Variants in JARID2 observed in about 807,000 individuals in gnomAD.
JARID2 encodes the protein protein Jumonji.
A neutral mutation model predicts 125.6 loss-of-function variants in JARID2; 21 were observed. The observed-to-expected ratio is 0.17, with a 90% CI of 0.12 to 0.24. JARID2 has a LOEUF of 0.24. JARID2 is among the 10% of genes least tolerant of loss of function. The pLI, the probability that JARID2 is intolerant of heterozygous loss-of-function variation, is 1.00. For synonymous variants in JARID2, 736 were observed against 661.6 expected, an observed-to-expected ratio of 1.11 and a Z score of -1.73; for missense variants, 1,303 against 1,639.6, an observed-to-expected ratio of 0.79 and a Z score of 3.55.
chr6:15,487,466 G>A lies in JARID2; in HGVS notation c.830G>A (p.Gly277Asp). The A allele has an allele frequency of 2.5e-6, 4 of 1,614,224 alleles. No homozygotes were observed. The highest frequency in any genetic ancestry group is 3.4e-6 in the Non-Finnish European group (4 of 1,180,044). ...CACCCCGCAGCGGCCCCCTCCACGG[G>A]TTCCTCGGCCAAGGGGCTTGCTGCC... is the stretch of plus-strand genomic sequence containing the variant. ...ANHPAAAPST[G>D]SSAKGLAATH... The change falls in exon 6 of 18, where the codon GGT becomes GAT. Residue 277 changes from glycine (G) to aspartate (D), a missense_variant. By Grantham distance (94) the Gly-to-Asp change is moderately conservative. Around this residue, in one of 11 missense-constraint regions of JARID2, gnomAD observed 651 missense variants for 581.6 expected, o/e 1.12. Coordinates refer to ENST00000341776, the MANE Select transcript of JARID2 (RefSeq NM_004973.4).
intron 1 of JARID2, among the ~76,000 whole-genome samples, chr6:15,281,965 TTTGAGACA>T (rs1760770031): frequency 7.1e-6 from 1 of 140,372 alleles, no homozygotes; most frequent in East Asian, 2.1e-4. Context: ...TGTGTGTGTG[TTTGAGACA>T]GAGTCTTGCT....
chr6:15,337,753 C>CT (rs1345709497), intron 1 of JARID2, among the ~76,000 whole-genome samples: 105 of 151,878 alleles, frequency 6.9e-4, no homozygotes, highest in Non-Finnish European at 4.4e-5. Flanking sequence ...CCTCCCAACT[C>CT]TGTTTCTGAT....
intron 5 of JARID2, among the ~76,000 whole-genome samples, chr6:15,486,013 G>A (rs1769849024): frequency 1.3e-5 from 2 of 152,228 alleles, no homozygotes; most frequent in South Asian, 4.1e-4. Context: ...TGCCAGTCCT[G>A]GTTGGGGTGG....
intron 1 of JARID2, among the ~76,000 whole-genome samples, chr6:15,279,414 A>C (rs970905756): frequency 5.3e-5 from 8 of 152,156 alleles, no homozygotes; most frequent in African/African-American, 1.9e-4. Context: ...CTGACTTTTC[A>C]TATGTGTATG....
Position 15,521,441 on chromosome 6 carries a change from C to G in JARID2, c.*1190C>G, listed in dbSNP as rs1483612202. 6.6e-6 allele frequency: 1 copy of G among 151,690 alleles called. No individual in the cohort carries two copies. Among genetic ancestry groups the G allele is most frequent in the East Asian group, 1.9e-4 (1 of 5,174 alleles). 9.4% of individuals were successfully genotyped at this position (151,690 alleles called of 1,614,324 possible). ...GGGGGTGGGGAGGGGGGTGAGAAGACAAGATGAAGAAAAGCCTTACATTTC... is the reference window on the plus strand; with the variant it reads ...GGGGGTGGGGAGGGGGGTGAGAAGAGAAGATGAAGAAAAGCCTTACATTTC... On this transcript the variant is annotated 3_prime_UTR_variant, in exon 18 of 18. Transcript: ENST00000341776.
chr6:15,252,323 ATTGT>A (rs897756552), intron 1 of JARID2, among the ~76,000 whole-genome samples: 3 of 151,828 alleles, frequency 2.0e-5, no homozygotes, highest in Non-Finnish European at 4.4e-5. Context: ...TTTTTTAAAA[ATTGT>A]TTGTTATCTA....
At chr6:15,292,991 A>G (rs1405267849) in intron 1 of JARID2, among the ~76,000 whole-genome samples, 1 of 152,124 alleles carries the variant, frequency 6.6e-6, no homozygotes, top group Non-Finnish European at 1.5e-5. Flanking sequence ...ATATTTTTTT[A>G]GTTTGAACTA....
At chr6:15,308,720 A>G (rs1274811547) in intron 1 of JARID2, among the ~76,000 whole-genome samples, 1 of 152,210 alleles carries the variant, frequency 6.6e-6, no homozygotes, top group East Asian at 1.9e-4. Context: ...GACTCTCCCT[A>G]CTTTGAAAAG....
chr6:15,355,322 A>C (rs1399266611), intron 1 of JARID2, among the ~76,000 whole-genome samples: 1 of 152,244 alleles, frequency 6.6e-6, no homozygotes, highest in Non-Finnish European at 1.5e-5. Context: ...CAATATATGC[A>C]GAAATCTTAA....
At chr6:15,393,497 T>C (rs906342049) in intron 2 of JARID2, among the ~76,000 whole-genome samples, 11 of 152,232 alleles carry the variant, frequency 7.2e-5, no homozygotes, top group African/African-American at 2.7e-4. Context: ...TGTGATACCA[T>C]GTAAATTTTA....
intron 1 of JARID2, chr6:15,248,079 G>A: frequency 1.6e-5 from 16 of 985,348 alleles, no homozygotes; most frequent in Non-Finnish European, 1.9e-5. Flanking sequence ...CTTTCTTATT[G>A]CGGGCGTTCA....
intron 3 of JARID2, among the ~76,000 whole-genome samples, chr6:15,433,654 T>C (rs934903864): frequency 3.3e-5 from 5 of 152,192 alleles, no homozygotes; most frequent in African/African-American, 9.7e-5. Context: ...TGGGTTGCAA[T>C]ACATGGTGCT....
intron 1 of JARID2, among the ~76,000 whole-genome samples, chr6:15,285,519 T>C (rs1240095601): frequency 6.6e-6 from 1 of 152,248 alleles, no homozygotes; most frequent in Non-Finnish European, 1.5e-5. Flanking sequence ...AAGTTAAACA[T>C]CTGGTCATAG....
intron 3 of JARID2, among the ~76,000 whole-genome samples, chr6:15,445,081 A>C (rs1375701765): frequency 2.0e-5 from 3 of 152,162 alleles, no homozygotes; most frequent in African/African-American, 7.2e-5. Context: ...GGGCTACCCT[A>C]GAGATTGAGT....
At chr6:15,383,907 G>A (rs1040748332) in intron 2 of JARID2, among the ~76,000 whole-genome samples, 1 of 152,196 alleles carries the variant, frequency 6.6e-6, no homozygotes, top group East Asian at 1.9e-4. Context: ...CAATTCTCCT[G>A]CCTCAGCCTC....
At chr6:15,256,206 A>G (rs1250105785) in intron 1 of JARID2, among the ~76,000 whole-genome samples, 1 of 152,242 alleles carries the variant, frequency 6.6e-6, no homozygotes, top group African/African-American at 2.4e-5. Flanking sequence ...TGACTCAGAT[A>G]TAAATGAATC....
chr6:15,441,774 A>C (rs377388232), intron 3 of JARID2, among the ~76,000 whole-genome samples: 17 of 151,990 alleles, frequency 1.1e-4, no homozygotes, highest in East Asian at 5.8e-4. Context: ...GATTTTCTTT[A>C]TTTATTTATT....
chr6:15,462,987 G>A (rs1352306125), intron 4 of JARID2, among the ~76,000 whole-genome samples: 1 of 152,194 alleles, frequency 6.6e-6, no homozygotes, highest in African/African-American at 2.4e-5. Context: ...TGGAGACATT[G>A]CCAGCTAATT....
At chr6:15,356,117 C>T (rs1326275726) in intron 1 of JARID2, among the ~76,000 whole-genome samples, 2 of 152,190 alleles carry the variant, frequency 1.3e-5, no homozygotes, top group Non-Finnish European at 2.9e-5. Flanking sequence ...GCTATGTTTT[C>T]AAGGTTCATC....
Sources: allele counts gnomAD v4.1 joint callset (sites outside exome capture counted in the v4.1 genomes callset), GRCh38; gene constraint gnomAD v4.1.1; regional missense constraint gnomAD v4.1.1; transcripts MANE v1.5; gene names NCBI Gene and HGNC (gene_info 2026-07-23, HGNC 2026-07-21).